The following NRXN3 variants were observed in gnomAD, a reference collection of about 807,000 sequenced individuals.
NRXN3 encodes the protein neurexin 3, also known as neurexin III.
Under a neutral mutation model 137.6 loss-of-function variants are expected in NRXN3, and 32 were observed. That is an observed-to-expected ratio of 0.23 (90% CI 0.18 to 0.31). The LOEUF is 0.31. Among genes scored for constraint, NRXN3 ranks in the 10% least tolerant of loss-of-function variants. The pLI, the probability that NRXN3 is intolerant of heterozygous loss-of-function variation, is 1.00. For missense variants in NRXN3, 1,574 were observed against 2,062.5 expected (o/e 0.76, Z 4.59); for synonymous variants, 798 against 784.5 (o/e 1.02, Z -0.29).
At chr14:78,999,835 G>A (rs1299167360) in intron 15 of NRXN3, among the ~76,000 whole-genome samples, 2 of 152,170 alleles carry the variant, frequency 1.3e-5, no homozygotes, top group African/African-American at 4.8e-5. Context: ...CACTTCCAAA[G>A]TGATGTTGTG....
At chr14:79,062,679 C>T (rs1047865105) in intron 15 of NRXN3, among the ~76,000 whole-genome samples, 1 of 152,170 alleles carries the variant, frequency 6.6e-6, no homozygotes, top group Non-Finnish European at 1.5e-5. Flanking sequence ...ACCTTCCTCC[C>T]TTTCCTATTA....
intron 15 of NRXN3, among the ~76,000 whole-genome samples, chr14:79,366,010 C>T (rs981539665): frequency 3.3e-5 from 5 of 151,958 alleles, no homozygotes; most frequent in African/African-American, 4.8e-5. Flanking sequence ...GAAAATGATT[C>T]AAGATGAACC....
At chr14:78,247,889 G>A (rs1350774730) in intron 2 of NRXN3, among the ~76,000 whole-genome samples, 1 of 152,166 alleles carries the variant, frequency 6.6e-6, no homozygotes, top group Admixed American at 6.5e-5. Context: ...TTGGTGCTAA[G>A]GTGTATAAAT....
At chr14:79,123,249 AC>A (rs2055798055) in intron 15 of NRXN3, among the ~76,000 whole-genome samples, 1 of 151,320 alleles carries the variant, frequency 6.6e-6, no homozygotes, top group Non-Finnish European at 1.5e-5. Context: ...GCGTGCGCGC[AC>A]ACACACACAC....
chr14:78,499,268 A>C (rs1192851640), intron 4 of NRXN3, among the ~76,000 whole-genome samples: 1 of 151,956 alleles, frequency 6.6e-6, no homozygotes, highest in Non-Finnish European at 1.5e-5. Flanking sequence ...ATAAGCACTG[A>C]GCAAATGTTA....
intron 15 of NRXN3, among the ~76,000 whole-genome samples, chr14:79,253,128 A>G (rs1277416969): frequency 6.6e-6 from 1 of 152,182 alleles, no homozygotes; most frequent in African/African-American, 2.4e-5. Flanking sequence ...GGTTCTGAAC[A>G]TTCCTAGATC....
At chr14:79,082,067 C>CAT (rs368366343) in intron 15 of NRXN3, among the ~76,000 whole-genome samples, 12,481 of 139,798 alleles carry the variant, frequency 0.089, 690 homozygotes, top group Non-Finnish European at 0.13. Flanking sequence ...ATGTTTCATA[C>CAT]ATATATATAT....
At chr14:78,171,481 T>C (rs2058719815) in intron 1 of NRXN3, among the ~76,000 whole-genome samples, 1 of 152,184 alleles carries the variant, frequency 6.6e-6, no homozygotes, top group African/African-American at 2.4e-5. Flanking sequence ...GTGTAAGCAC[T>C]GTGGGTTTTG....
intron 10 of NRXN3, among the ~76,000 whole-genome samples, chr14:78,914,352 T>C (rs942875863): frequency 6.6e-6 from 1 of 152,140 alleles, no homozygotes; most frequent in Non-Finnish European, 1.5e-5. Flanking sequence ...ACATACATTC[T>C]AATGGAGGAT....
intron 1 of NRXN3, among the ~76,000 whole-genome samples, chr14:78,203,573 G>T (rs2061875301): frequency 6.6e-6 from 1 of 152,142 alleles, no homozygotes; most frequent in Non-Finnish European, 1.5e-5. Context: ...GACAGGAAAT[G>T]GGACCAATCC....
Position 79,334,635 on chromosome 14 carries a change from C to T in NRXN3, c.3263-132586C>T, listed in dbSNP as rs112262142. 8.8e-3 allele frequency among the ~76,000 whole-genome samples: 1,335 copies of T among 152,166 alleles called. 16 individuals carry two copies. Among genetic ancestry groups the T allele is most frequent in the African/African-American group, 0.03 (1,255 of 41,522 alleles). On this transcript the variant is annotated intron_variant, in intron 15 of 20. Transcript: ENST00000335750. The stretch of plus-strand genomic sequence containing the variant: ...AATTTATATTTTAAAATCATCTTGG[C>T]GGCTGGGTGCCAATTATACCATAAA...
At chr14:78,685,810 CT>C (rs76135969) in intron 6 of NRXN3, among the ~76,000 whole-genome samples, 10,907 of 133,668 alleles carry the variant, frequency 0.082, 347 homozygotes, top group Middle Eastern at 0.15. Flanking sequence ...GTTTTTCTTT[CT>C]TTTTTTTTTT....
chr14:79,407,622 G>T (rs1329894976), intron 15 of NRXN3, among the ~76,000 whole-genome samples: 1 of 152,122 alleles, frequency 6.6e-6, no homozygotes, highest in Non-Finnish European at 1.5e-5. Context: ...CAAGTTTAAT[G>T]TCCTTAAGAT....
chr14:79,494,572 A>G (rs977351195), intron 16 of NRXN3, among the ~76,000 whole-genome samples: 3 of 152,308 alleles, frequency 2.0e-5, no homozygotes, highest in African/African-American at 7.2e-5. Context: ...CTTTTAAAAT[A>G]TAGCAAAAAC....
chr14:78,569,208 A>G (rs1488230125), intron 4 of NRXN3, among the ~76,000 whole-genome samples: 1 of 150,050 alleles, frequency 6.7e-6, no homozygotes, highest in Non-Finnish European at 1.5e-5. Context: ...ATCTCAGGTG[A>G]TCTTCCCGCC....
chr14:78,726,148 A>G (rs1045217368), intron 8 of NRXN3, among the ~76,000 whole-genome samples: 2 of 152,090 alleles, frequency 1.3e-5, no homozygotes, highest in Non-Finnish European at 2.9e-5. Flanking sequence ...TCCTTTCACT[A>G]CAACTGAAGT....
At chr14:78,215,330 T>G (rs1305949292) in intron 1 of NRXN3, among the ~76,000 whole-genome samples, 1 of 152,134 alleles carries the variant, frequency 6.6e-6, no homozygotes, top group Non-Finnish European at 1.5e-5. Flanking sequence ...TGTTTTAGCT[T>G]CTGGGTCCCT....
intron 15 of NRXN3, among the ~76,000 whole-genome samples, chr14:79,323,722 G>A (rs573264744): frequency 1.2e-3 from 178 of 152,248 alleles, no homozygotes; most frequent in African/African-American, 4.2e-3. Context: ...AGCCGGGCGT[G>A]GCGGTGTGCG....
chr14:78,234,444 C>T lies in NRXN3; in HGVS notation c.-703-7947C>T, dbSNP rs1038795220. Among the ~76,000 whole-genome samples, 19 of 152,296 alleles carry T rather than the reference C, an allele frequency of 1.2e-4. No individual in the cohort carries two copies. The South Asian group carries it at 1.7e-3, about 13-fold the overall frequency. On this transcript the variant is annotated intron_variant, in intron 1 of 20. Coordinates refer to ENST00000335750, the MANE Select transcript of NRXN3 (RefSeq NM_001330195.2). ...ATCATCTGTTTCACAGAGAAGACAA[C>T]GGAGGCATGGAGTGGATAAGTGATG...
Sources: allele counts gnomAD v4.1 joint callset (sites outside exome capture counted in the v4.1 genomes callset), GRCh38; gene constraint gnomAD v4.1.1; transcripts MANE v1.5; gene names NCBI Gene and HGNC (gene_info 2026-07-23, HGNC 2026-07-21).